The following CCDC85A variants were observed in gnomAD, a reference collection of about 807,000 sequenced individuals.
CCDC85A encodes coiled-coil domain-containing protein 85A.
Under a neutral mutation model 50.2 loss-of-function variants are expected in CCDC85A, and 38 were observed. The observed-to-expected ratio is 0.76, with a 90% confidence interval of 0.58 to 0.99. CCDC85A has a LOEUF of 0.99. CCDC85A is among the 50% of genes least tolerant of loss of function. The probability of loss-of-function intolerance (pLI) is 0.00; values close to 1 mark genes in which losing one functional copy is unlikely to be tolerated. For missense variants in CCDC85A, 820 were observed against 742.0 expected, an observed-to-expected ratio of 1.11 and a Z score of -1.22; for synonymous variants, 366 against 301.4, an observed-to-expected ratio of 1.21 and a Z score of -2.22.
chr2:56,211,157 G>T (rs1160148703), intron 2 of CCDC85A, among the ~76,000 whole-genome samples: 2 of 151,996 alleles, frequency 1.3e-5, no homozygotes, highest in Non-Finnish European at 2.9e-5. Flanking sequence ...GTTTGTTTTT[G>T]TCAGTGTTCA....
rs551302934 is a variant in CCDC85A, at chr2:56,385,701, C to T, written c.*1346C>T. 69 of 151,820 alleles carry T rather than the reference C, an allele frequency of 4.5e-4. No individual in the cohort carries two copies. Among genetic ancestry groups the T allele is most frequent in the African/African-American group, 1.5e-3 (62 of 41,448 alleles). The allele number at this position is 151,820 out of a possible 1,614,324, so 9.4% of individuals were successfully genotyped here. ...TGTTTTAGATGGGCTCATTACATAA[C>T]GAGTTAATTGTCACTAGTAGGAGAC... On this transcript the variant is annotated 3_prime_UTR_variant, in exon 6 of 6. Transcript: ENST00000407595.
chr2:56,231,997 C>G (rs1668794154), intron 2 of CCDC85A, among the ~76,000 whole-genome samples: 1 of 152,114 alleles, frequency 6.6e-6, no homozygotes, highest in Admixed American at 6.5e-5. Flanking sequence ...GCCTACTTCT[C>G]TGGTTGTTTG....
chr2:56,191,640 A>G (rs1249055228), intron 1 of CCDC85A, among the ~76,000 whole-genome samples: 1 of 152,254 alleles, frequency 6.6e-6, no homozygotes, highest in South Asian at 2.1e-4. Flanking sequence ...GTTCATATAA[A>G]GAACAGTGGA....
At chr2:56,262,654 A>T (rs931862969) in intron 2 of CCDC85A, among the ~76,000 whole-genome samples, 1 of 152,198 alleles carries the variant, frequency 6.6e-6, no homozygotes, top group Admixed American at 6.5e-5. Flanking sequence ...GCAAGTGGCA[A>T]TTGTATTTGT....
rs1312121443 is a variant in CCDC85A at position 56,330,703 on chromosome 2, A to C, written c.1241-12176A>C. 2.0e-5 allele frequency among the ~76,000 whole-genome samples: 3 copies of C among 152,198 alleles called. No individual in the cohort carries two copies. The South Asian group carries it at 6.2e-4, about 31-fold the overall frequency. On this transcript the variant is annotated intron_variant, in intron 2 of 5. Transcript: ENST00000407595. Reference sequence around the variant, plus strand: ...CAAGTAAATAGGTGAATAACGGCACATATGTGACAAAATGCCATTTCCCCC... The same window carrying C: ...CAAGTAAATAGGTGAATAACGGCACCTATGTGACAAAATGCCATTTCCCCC...
At chr2:56,225,897 A>G (rs2103920949) in intron 2 of CCDC85A, among the ~76,000 whole-genome samples, 1 of 152,308 alleles carries the variant, frequency 6.6e-6, no homozygotes, top group East Asian at 1.9e-4. Context: ...TGTTATATAA[A>G]GATGCTTATT....
chr2:56,185,844 C>G (rs889066327), intron 1 of CCDC85A: 1 of 152,414 alleles, frequency 6.6e-6, no homozygotes, highest in Non-Finnish European at 1.5e-5. Context: ...GCTGGTGCCT[C>G]CTGGTATTCC....
intron 2 of CCDC85A, among the ~76,000 whole-genome samples, chr2:56,219,525 C>T (rs982355986): frequency 6.6e-6 from 1 of 151,660 alleles, no homozygotes; most frequent in East Asian, 1.9e-4. Flanking sequence ...CTACAAATCC[C>T]ATCTTTCCTT....
chr2:56,331,890 T>C (rs1477421125), intron 2 of CCDC85A, among the ~76,000 whole-genome samples: 2 of 152,224 alleles, frequency 1.3e-5, no homozygotes, highest in Non-Finnish European at 2.9e-5. Flanking sequence ...TTTTAGATTT[T>C]TCTCTTCACA....
chr2:56,288,484 G>A (rs1288299009), intron 2 of CCDC85A, among the ~76,000 whole-genome samples: 1 of 152,072 alleles, frequency 6.6e-6, no homozygotes, highest in African/African-American at 2.4e-5. Flanking sequence ...TATGAAGTAA[G>A]TTAAAATTAG....
rs1037428743 is a variant in CCDC85A, at chr2:56,385,862, C to T, written c.*1507C>T. 6.6e-6 allele frequency: 1 copy of T among 151,638 alleles called. No homozygotes were observed. The highest frequency in any genetic ancestry group is 1.5e-5 in the Non-Finnish European group (1 of 67,738). The allele number at this position is 151,638 out of a possible 1,614,324, so 9.4% of individuals were successfully genotyped here. A position where few individuals can be genotyped will look rare whatever the true frequency, so the allele number is the denominator to read the frequency against. On this transcript the variant is annotated 3_prime_UTR_variant, in exon 6 of 6. Transcript: ENST00000407595. ...TAATTGGGTTACAATTTAAGCTCCC[C>T]TTTTAAATGTTATATTTTAAAATGT...
chr2:56,216,462 A>T (rs1677397217), intron 2 of CCDC85A, among the ~76,000 whole-genome samples: 1 of 151,586 alleles, frequency 6.6e-6, no homozygotes, highest in African/African-American at 2.4e-5. Context: ...TTTAAGTTTT[A>T]ATTTGTTCCT....
rs1676785066 is a variant in CCDC85A, at chr2:56,385,559, A to G, written c.*1204A>G. On this transcript the variant is annotated 3_prime_UTR_variant, in exon 6 of 6. Coordinates refer to ENST00000407595, the MANE Select transcript of CCDC85A (RefSeq NM_001080433.2). ...GAATGTGCAAGAGGCCTGTGACCGA[A>G]TGCTACGTTTTTATGGTAGTTTAAG... The G allele has an allele frequency of 1.3e-5, 2 of 152,112 alleles. No homozygotes were observed. Among genetic ancestry groups the G allele is most frequent in the African/African-American group, 4.8e-5 (2 of 41,292 alleles). The allele number at this position is 152,112 out of a possible 1,614,324, so 9.4% of individuals were successfully genotyped here. A position where few individuals can be genotyped will look rare whatever the true frequency, so the allele number is the denominator to read the frequency against.
At chr2:56,295,504 G>A (rs1671908092) in intron 2 of CCDC85A, among the ~76,000 whole-genome samples, 1 of 152,214 alleles carries the variant, frequency 6.6e-6, no homozygotes, top group Non-Finnish European at 1.5e-5. Flanking sequence ...CTAGTGGAAA[G>A]AAGGTTGATC....
chr2:56,383,547 A>G, intron 5 of CCDC85A: 1 of 978,532 alleles, frequency 1.0e-6, no homozygotes, highest in Non-Finnish European at 1.2e-6. Flanking sequence ...ACATATTGTA[A>G]TTGTATCTCT....
chr2:56,381,504 A>G (rs1676584557), intron 5 of CCDC85A, among the ~76,000 whole-genome samples: 1 of 152,086 alleles, frequency 6.6e-6, no homozygotes, highest in South Asian at 2.1e-4. Context: ...CAATTCAGAT[A>G]TGAACCCCTG....
chr2:56,291,845 C>T (rs1483842888), intron 2 of CCDC85A, among the ~76,000 whole-genome samples: 3 of 148,716 alleles, frequency 2.0e-5, no homozygotes, highest in African/African-American at 7.5e-5. Flanking sequence ...AGAACGTTCA[C>T]GCTGACTCCT....
intron 2 of CCDC85A, among the ~76,000 whole-genome samples, chr2:56,219,250 A>G (rs2103901219): frequency 6.7e-6 from 1 of 148,752 alleles, no homozygotes; most frequent in Non-Finnish European, 1.5e-5. Flanking sequence ...GCGAAGATGA[A>G]TAATACAGTA....
chr2:56,211,406 A>AT lies in CCDC85A; in HGVS notation c.1240+17973dup, dbSNP rs144355453. Among the ~76,000 whole-genome samples, 1,074 of 151,850 alleles carry AT rather than the reference A, an allele frequency of 7.1e-3. 9 individuals are homozygous for AT. The highest frequency in any genetic ancestry group is 0.021 in the African/African-American group (850 of 41,422). On this transcript the variant is annotated intron_variant, in intron 2 of 5. Transcript: ENST00000407595. The stretch of plus-strand genomic sequence containing the variant: ...CTTGGTTATGTGCATTTCCTCCTGC[A>AT]TTTTTTTATTCTGGGGAGTATGGGC...
Sources: allele counts gnomAD v4.1 joint callset (sites outside exome capture counted in the v4.1 genomes callset), GRCh38; gene constraint gnomAD v4.1.1; transcripts MANE v1.5; gene names NCBI Gene and HGNC (gene_info 2026-07-23, HGNC 2026-07-21).